LUZP2: variants seen among roughly 807,000 people sequenced by gnomAD.
LUZP2 encodes leucine zipper protein 2.
In LUZP2, 52 loss-of-function variants were observed where a neutral mutation model predicts 51.6. The observed-to-expected ratio is 1.01, with a 90% confidence interval of 0.81 to 1.27. LUZP2 has a LOEUF of 1.27. LUZP2 is among the 50% of genes most tolerant of loss of function. The pLI is 0.00. For missense variants in LUZP2, 436 were observed against 395.4 expected (o/e 1.10, Z -0.87); for synonymous variants, 154 against 137.3 (o/e 1.12, Z -0.85).
chr11:24,767,183 T>A (rs10834481), intron 5 of LUZP2, among the ~76,000 whole-genome samples: 8,611 of 152,328 alleles, frequency 0.057, 285 homozygotes, highest in Middle Eastern at 0.088. Context: ...GTGTGTAATT[T>A]GTAGAATATA....
intron 1 of LUZP2, among the ~76,000 whole-genome samples, chr11:24,692,710 AAAAT>A (rs1168895680): frequency 6.6e-6 from 1 of 152,120 alleles, no homozygotes; most frequent in Non-Finnish European, 1.5e-5. Context: ...TATTGAGAAA[AAAAT>A]AAATGAGTTT....
At chr11:24,625,803 AG>A (rs1854657837) in intron 1 of LUZP2, among the ~76,000 whole-genome samples, 1 of 152,158 alleles carries the variant, frequency 6.6e-6, no homozygotes, top group South Asian at 2.1e-4. Flanking sequence ...GCATTGATAA[AG>A]AAATAGAGTA....
intron 6 of LUZP2, among the ~76,000 whole-genome samples, chr11:24,910,176 T>G (rs1337992673): frequency 6.6e-6 from 1 of 151,972 alleles, no homozygotes; most frequent in African/African-American, 2.4e-5. Context: ...GTGGAAGAAA[T>G]TCATAAGCAG....
intron 5 of LUZP2, among the ~76,000 whole-genome samples, chr11:24,785,592 G>A (rs58336020): frequency 0.024 from 3,612 of 151,878 alleles, 158 homozygotes; most frequent in African/African-American, 0.083. Context: ...CATTTCATTA[G>A]GAAGTTTAAT....
chr11:25,037,673 C>T (rs1857907767), intron 9 of LUZP2, among the ~76,000 whole-genome samples: 1 of 152,118 alleles, frequency 6.6e-6, no homozygotes. Context: ...TATTTCCTGT[C>T]ACATGCTTCT....
chr11:24,856,559 C>G (rs1851573113), intron 5 of LUZP2, among the ~76,000 whole-genome samples: 1 of 151,942 alleles, frequency 6.6e-6, no homozygotes, highest in Admixed American at 6.6e-5. Flanking sequence ...TCATTCGATC[C>G]AGGTACACAA....
At chr11:24,814,635 G>A (rs761831225) in intron 5 of LUZP2, among the ~76,000 whole-genome samples, 7 of 152,124 alleles carry the variant, frequency 4.6e-5, no homozygotes, top group Non-Finnish European at 8.8e-5. Flanking sequence ...GGTAGTTACA[G>A]CTTAGTATGC....
intron 1 of LUZP2, among the ~76,000 whole-genome samples, chr11:24,711,340 CTG>C (rs1857815289): frequency 6.6e-6 from 1 of 151,958 alleles, no homozygotes; most frequent in Non-Finnish European, 1.5e-5. Context: ...GTCCCAGCTG[CTG>C]GGGAGGCTGA....
chr11:25,014,752 T>C (rs1307690749), intron 9 of LUZP2, among the ~76,000 whole-genome samples: 5 of 152,190 alleles, frequency 3.3e-5, no homozygotes, highest in Non-Finnish European at 7.3e-5. Flanking sequence ...CTCTTTAGTT[T>C]AATTAGATCC....
At chr11:24,635,452 CA>C (rs1048904782) in intron 1 of LUZP2, among the ~76,000 whole-genome samples, 1 of 149,520 alleles carries the variant, frequency 6.7e-6, no homozygotes, top group Admixed American at 6.7e-5. Flanking sequence ...ATTCACAAGT[CA>C]TAAGAAATAA....
chr11:24,638,514 C>G (rs1855178190), intron 1 of LUZP2, among the ~76,000 whole-genome samples: 1 of 151,198 alleles, frequency 6.6e-6, no homozygotes, highest in Non-Finnish European at 1.5e-5. Flanking sequence ...TAATTGCAAG[C>G]TAGAAAAAAA....
At chr11:24,739,058 A>G (rs1037813318) in intron 4 of LUZP2, among the ~76,000 whole-genome samples, 2 of 152,124 alleles carry the variant, frequency 1.3e-5, no homozygotes, top group Non-Finnish European at 2.9e-5. Context: ...AGATCAGGAA[A>G]GACTCCCACT....
chr11:24,738,518 C>T (rs1484710913), intron 4 of LUZP2, among the ~76,000 whole-genome samples: 5 of 151,998 alleles, frequency 3.3e-5, no homozygotes, highest in Non-Finnish European at 5.9e-5. Flanking sequence ...CGTCTAATTC[C>T]CAGCCTACTT....
At chr11:24,663,243 T>G (rs138926720) in intron 1 of LUZP2, among the ~76,000 whole-genome samples, 7 of 152,232 alleles carry the variant, frequency 4.6e-5, no homozygotes, top group African/African-American at 1.7e-4. Flanking sequence ...CCCCTTGATG[T>G]TCTTGTGATA....
rs548369876 is a variant in LUZP2 at position 24,669,294 on chromosome 11, T to C, written c.63-59875T>C. 4.6e-5 allele frequency among the ~76,000 whole-genome samples: 7 copies of C among 152,270 alleles called. No individual in the cohort carries two copies. The East Asian group carries it at 1.3e-3, about 29-fold the overall frequency. ...TATTTTTTGTCTTCCAAATTAATTA[T>C]TTATTATTCTTGTGCCTAGTTGTAT... On this transcript the variant is annotated intron_variant, in intron 1 of 11. Transcript: ENST00000336930.
intron 1 of LUZP2, among the ~76,000 whole-genome samples, chr11:24,623,020 C>T (rs940103953): frequency 3.9e-5 from 6 of 151,944 alleles, no homozygotes; most frequent in East Asian, 1.9e-4. Context: ...ATTTCCATTC[C>T]GCCCCGATGG....
intron 5 of LUZP2, among the ~76,000 whole-genome samples, chr11:24,765,684 G>A (rs1421153770): frequency 1.4e-5 from 2 of 143,340 alleles, no homozygotes; most frequent in African/African-American, 5.3e-5. Context: ...CTGGAGTGCC[G>A]TGGCTTGATC....
At chr11:24,667,410 C>A (rs1856252707) in intron 1 of LUZP2, among the ~76,000 whole-genome samples, 1 of 152,222 alleles carries the variant, frequency 6.6e-6, no homozygotes, top group African/African-American at 2.4e-5. Context: ...TGGTCTCGAA[C>A]TCCTGACCTC....
chr11:24,958,928 A>G (rs1191826533), intron 7 of LUZP2, among the ~76,000 whole-genome samples: 1 of 152,090 alleles, frequency 6.6e-6, no homozygotes. Context: ...ATTGATTTTT[A>G]TATAAGGTAG....
Sources: allele counts gnomAD v4.1 joint callset (sites outside exome capture counted in the v4.1 genomes callset), GRCh38; gene constraint gnomAD v4.1.1; transcripts MANE v1.5; gene names NCBI Gene and HGNC (gene_info 2026-07-23, HGNC 2026-07-21).